The following CTNNA3 variants were observed in gnomAD, a reference collection of about 807,000 sequenced individuals.
CTNNA3 encodes catenin alpha-3.
Under a neutral mutation model 95.7 loss-of-function variants are expected in CTNNA3, and 76 were observed. The ratio of observed to expected loss-of-function variants is 0.79; its 90% CI spans 0.66 to 0.96. CTNNA3 has a LOEUF of 0.96. Among genes scored for constraint, CTNNA3 ranks in the 40% least tolerant of loss-of-function variants. The pLI is 0.00. For missense variants in CTNNA3, 1,191 were observed against 1,089.8 expected (o/e 1.09, Z -1.31); for synonymous variants, 431 against 374.4 (o/e 1.15, Z -1.74).
At chr10:66,019,868 G>A (rs1294757007) in intron 15 of CTNNA3, among the ~76,000 whole-genome samples, 1 of 152,028 alleles carries the variant, frequency 6.6e-6, no homozygotes, top group East Asian at 1.9e-4. Context: ...AGCATAATTA[G>A]TCCATTAGTG....
At chr10:66,751,892 G>A (rs115840122) in intron 9 of CTNNA3, among the ~76,000 whole-genome samples, 1,765 of 152,080 alleles carry the variant, frequency 0.012, 31 homozygotes, top group African/African-American at 0.039. Context: ...CAAATTTTTT[G>A]GCAATTAAAA....
chr10:66,242,248 T>A (rs2090142369), intron 13 of CTNNA3, among the ~76,000 whole-genome samples: 1 of 152,142 alleles, frequency 6.6e-6, no homozygotes, highest in South Asian at 2.1e-4. Flanking sequence ...GTTTGAGGTA[T>A]CCTGTTACCT....
In CTNNA3 at chr10:66,457,794, CCTG is replaced by C. The variant is rs139604846; in HGVS notation, c.1531+62820_1531+62822del. Reference sequence around the variant, plus strand: ...GATGTATCATCAGTAGTGGGAGCAACCTGCTGCTGCAGATCCAATTGCATCTTG... The same window carrying C: ...GATGTATCATCAGTAGTGGGAGCAACCTGCTGCAGATCCAATTGCATCTTG... On this transcript the variant is annotated intron_variant, in intron 11 of 17. Transcript: ENST00000433211. 6.6e-5 allele frequency among the ~76,000 whole-genome samples: 10 copies of C among 152,124 alleles called. No individual in the cohort carries two copies. The East Asian group carries it at 1.9e-3, about 29-fold the overall frequency.
intron 5 of CTNNA3, among the ~76,000 whole-genome samples, chr10:67,465,752 C>G (rs1272051489): frequency 6.6e-6 from 1 of 152,060 alleles, no homozygotes; most frequent in South Asian, 2.1e-4. Flanking sequence ...GTAGAATGTT[C>G]TTTTATTTGG....
intron 11 of CTNNA3, among the ~76,000 whole-genome samples, chr10:66,440,927 T>C (rs2093370972): frequency 6.6e-6 from 1 of 152,216 alleles, no homozygotes; most frequent in African/African-American, 2.4e-5. Flanking sequence ...ATTCCAACAA[T>C]GTGATGTTTA....
At chr10:66,025,051 C>T (rs2394187) in intron 15 of CTNNA3, among the ~76,000 whole-genome samples, 27,225 of 152,152 alleles carry the variant, frequency 0.18, 2,689 homozygotes, top group Admixed American at 0.25. Context: ...CTTTGGTTAA[C>T]AGTAATTAGT....
At chr10:67,066,143 C>T (rs1261728790) in intron 7 of CTNNA3, among the ~76,000 whole-genome samples, 1 of 151,204 alleles carries the variant, frequency 6.6e-6, no homozygotes, top group Non-Finnish European at 1.5e-5. Flanking sequence ...TCAATACCAT[C>T]ACCAGTGCTC....
chr10:67,094,197 A>G (rs1857829870), intron 7 of CTNNA3, among the ~76,000 whole-genome samples: 1 of 151,934 alleles, frequency 6.6e-6, no homozygotes, highest in South Asian at 2.1e-4. Flanking sequence ...AGAAGCAAAA[A>G]TATCCCTCCC....
intron 5 of CTNNA3, among the ~76,000 whole-genome samples, chr10:67,291,307 C>T (rs1839830277): frequency 6.6e-6 from 1 of 151,980 alleles, no homozygotes; most frequent in Non-Finnish European, 1.5e-5. Context: ...CTGGTGTTAA[C>T]AGTGTGATCT....
intron 1 of CTNNA3, among the ~76,000 whole-genome samples, chr10:67,653,712 AT>A (rs1267069434): frequency 6.6e-6 from 1 of 152,106 alleles, no homozygotes; most frequent in Non-Finnish European, 1.5e-5. Flanking sequence ...ACATTATCTT[AT>A]TTGGGATTAT....
intron 3 of CTNNA3, among the ~76,000 whole-genome samples, chr10:67,594,929 T>C (rs1418830113): frequency 6.6e-6 from 1 of 152,114 alleles, no homozygotes; most frequent in Non-Finnish European, 1.5e-5. Flanking sequence ...ATCATTCTTA[T>C]GCCTTTGCAT....
At chr10:67,075,570 C>G (rs1265830578) in intron 7 of CTNNA3, among the ~76,000 whole-genome samples, 1 of 152,162 alleles carries the variant, frequency 6.6e-6, no homozygotes, top group Non-Finnish European at 1.5e-5. Flanking sequence ...TTAACATTTT[C>G]TCAAAGTAAG....
intron 5 of CTNNA3, among the ~76,000 whole-genome samples, chr10:67,493,362 C>A (rs185813924): frequency 0.021 from 3,216 of 152,142 alleles, 101 homozygotes; most frequent in African/African-American, 0.068. Context: ...GGAATCGAGA[C>A]CATCCTGGCT....
At chr10:67,241,387 C>A (rs1238280739) in intron 5 of CTNNA3, among the ~76,000 whole-genome samples, 1 of 151,908 alleles carries the variant, frequency 6.6e-6, no homozygotes, top group African/African-American at 2.4e-5. Flanking sequence ...CATGCCACTG[C>A]CCTCTAGCCT....
chr10:67,571,024 G>A (rs1465325551), intron 3 of CTNNA3, among the ~76,000 whole-genome samples: 1 of 152,166 alleles, frequency 6.6e-6, no homozygotes, highest in Non-Finnish European at 1.5e-5. Context: ...TAGTCAAACA[G>A]TAACAGGACT....
At chr10:66,102,463 C>T (rs1359537861) in intron 14 of CTNNA3, among the ~76,000 whole-genome samples, 2 of 152,104 alleles carry the variant, frequency 1.3e-5, no homozygotes, top group African/African-American at 2.4e-5. Context: ...CCAAGTAACA[C>T]TCCAGAAGGA....
chr10:67,019,132 T>C (rs754915377), intron 7 of CTNNA3, among the ~76,000 whole-genome samples: 1 of 152,248 alleles, frequency 6.6e-6, no homozygotes, highest in Non-Finnish European at 1.5e-5. Flanking sequence ...ATAAGGTTTT[T>C]ACAACAGGAT....
At chr10:67,495,370 T>C (rs1408639558) in intron 5 of CTNNA3, among the ~76,000 whole-genome samples, 3 of 152,176 alleles carry the variant, frequency 2.0e-5, no homozygotes, top group Non-Finnish European at 4.4e-5. Context: ...GGTTACAACA[T>C]GGCAGAAACA....
intron 7 of CTNNA3, among the ~76,000 whole-genome samples, chr10:67,170,270 G>GTA (rs1353241286): frequency 6.6e-6 from 1 of 152,156 alleles, no homozygotes; most frequent in Non-Finnish European, 1.5e-5. Flanking sequence ...CCATTACTGG[G>GTA]TACATACCCA....
Sources: allele counts gnomAD v4.1 joint callset (sites outside exome capture counted in the v4.1 genomes callset), GRCh38; gene constraint gnomAD v4.1.1; transcripts MANE v1.5; gene names NCBI Gene and HGNC (gene_info 2026-07-23, HGNC 2026-07-21).